Variants in ALX3 observed in about 807,000 individuals in gnomAD.
The protein encoded by ALX3 is ALX homeobox 3.
ALX3 carries 17 observed loss-of-function variants against 26.3 expected under a neutral mutation model. That is an observed-to-expected ratio of 0.65 (90% CI 0.44 to 0.97). The LOEUF (loss-of-function observed/expected upper bound fraction) is 0.97, where lower values mean the gene tolerates loss of function less well. Among genes scored for constraint, ALX3 ranks in the 50% least tolerant of loss-of-function variants. The pLI, the probability that ALX3 is intolerant of heterozygous loss-of-function variation, is 0.00. For missense variants in ALX3, 461 were observed against 466.5 expected (o/e 0.99, Z 0.11); for synonymous variants, 208 against 201.4 (o/e 1.03, Z -0.28).
At chr1:110,064,176 C>T (rs1347332387) in intron 2 of ALX3, among the ~76,000 whole-genome samples, 1 of 152,220 alleles carries the variant, frequency 6.6e-6, no homozygotes, top group South Asian at 2.1e-4. Context: ...GTGTGTTCAG[C>T]ACTTCACCGC....
chr1:110,061,297 G>A (rs534789230), intron 3 of ALX3, 138 bp downstream of exon 3: 16 of 1,355,148 alleles, frequency 1.2e-5, no homozygotes, highest in African/African-American at 7.3e-5. Context: ...CAAGAGCCCC[G>A]GTTTGCAGAG....
At chr1:110,061,385 C>A in intron 3 of ALX3, 50 bp downstream of exon 3, 1 of 1,614,100 alleles carries the variant, frequency 6.2e-7, no homozygotes. Context: ...ACCTCATATT[C>A]TTTTTGGTGA....
intron 2 of ALX3, among the ~76,000 whole-genome samples, chr1:110,062,786 C>T (rs1653686779): frequency 6.6e-6 from 1 of 152,150 alleles, no homozygotes; most frequent in African/African-American, 2.4e-5. Flanking sequence ...GATAAGAAAG[C>T]AGGCCTGCAG....
At chr1:110,064,248 T>A (rs545929263) in intron 2 of ALX3, among the ~76,000 whole-genome samples, 3 of 152,128 alleles carry the variant, frequency 2.0e-5, no homozygotes, top group Non-Finnish European at 4.4e-5. Flanking sequence ...GTCCCATCAT[T>A]CCCTTTTCCT....
Position 110,064,911 on chromosome 1 carries a change from G to A in ALX3, c.278-8C>T. On this transcript the variant is annotated splice_polypyrimidine_tract_variant and splice_region_variant and intron_variant, in intron 1 of 3. Coordinates refer to ENST00000647563, the MANE Select transcript of ALX3 (RefSeq NM_006492.3). ...TGGAGGTCTTCTCCTCAGCTGCAAT[G>A]GAGAACACAAAAGGGAGGATGGCAA... 6.3e-7 allele frequency: 1 copy of A among 1,598,504 alleles called. No homozygotes were observed. The highest frequency in any genetic ancestry group is 8.5e-7 in the Non-Finnish European group (1 of 1,172,958).
Position 110,070,560 on chromosome 1 carries a change from T to C in ALX3, c.53A>G (p.Tyr18Cys), listed in dbSNP as rs1361700069. ...CGGAGGCTCGTCCCCCGAGGCCACA[T>C]AGGGGCCGGGTGCAGGCCCCACGCG... ...PFRVGPAPGPYVASGDEPPGP... is the reference protein window; with the variant it reads ...PFRVGPAPGPCVASGDEPPGP... The change falls in exon 1 of 4, where the codon TAT becomes TGT. Residue 18 changes from tyrosine (Y) to cysteine (C), a missense_variant. Tyr to Cys is a radical substitution (Grantham distance 194). Around this residue, in one of 3 missense-constraint regions of ALX3, gnomAD observed 241 missense variants for 206.1 expected, o/e 1.17. Transcript: ENST00000647563. 22 of 1,310,072 alleles carry C rather than the reference T, an allele frequency of 1.7e-5. No individual in the cohort carries two copies. Among genetic ancestry groups the C allele is most frequent in the Admixed American group, 1.4e-4 (4 of 28,862 alleles). 81.2% of individuals were successfully genotyped at this position (1,310,072 alleles called of 1,614,324 possible).
At chr1:110,061,718 AGGGAAGCCTGGG>A in intron 2 of ALX3, 155 bp from the exon 3 acceptor site, 1 of 1,233,998 alleles carries the variant, frequency 8.1e-7, no homozygotes, top group Non-Finnish European at 1.1e-6. Flanking sequence ...TCTCCAGGCC[AGGGAAGCCTGGG>A]AGGAAGCCTG....
chr1:110,070,361 G>A lies in ALX3; in HGVS notation c.252C>T (p.Gly84=). ...CTTCCGCGGGGCCCTCGTAGAAGTGGCCGCCGTTGAGGGCCGGGCCGGGCC... is the reference window on the plus strand; with the variant it reads ...CTTCCGCGGGGCCCTCGTAGAAGTGACCGCCGTTGAGGGCCGGGCCGGGCC... ...DLGPGPALNG[G]HFYEGPAEAE... Residue 84 remains glycine (G), a synonymous_variant, in exon 1 of 4, where the codon GGC becomes GGT. Transcript: ENST00000647563. 7.8e-7 allele frequency: 1 copy of A among 1,289,962 alleles called. No homozygotes were observed. 79.9% of individuals were successfully genotyped at this position (1,289,962 alleles called of 1,614,324 possible). A position where few individuals can be genotyped will look rare whatever the true frequency, so the allele number is the denominator to read the frequency against.
intron 2 of ALX3, among the ~76,000 whole-genome samples, chr1:110,064,261 A>G (rs2101796757): frequency 6.6e-6 from 1 of 152,272 alleles, no homozygotes; most frequent in Admixed American, 6.5e-5. Flanking sequence ...CTTTTCCTGA[A>G]CTGGGAAACT....
At position 110,061,593 on chromosome 1, in the gene ALX3, G is replaced by T. The variant is rs753136806; in HGVS notation, c.595-30C>A. 1.5e-5 allele frequency: 24 copies of T among 1,613,552 alleles called. No individual in the cohort carries two copies. The African/African-American group carries it at 2.5e-4, about 17-fold the overall frequency. Reference sequence around the variant, plus strand: ...GGGCAGGTTGTGGGGGTTTGAGGGGGTGATAGGGCAGCCCTGAGGAAAGGA... The same window carrying T: ...GGGCAGGTTGTGGGGGTTTGAGGGGTTGATAGGGCAGCCCTGAGGAAAGGA... On this transcript the variant is annotated intron_variant, in intron 2 of 3. Transcript: ENST00000647563.
chr1:110,061,330 A>C, intron 3 of ALX3, 105 bp downstream of exon 3: 7 of 1,543,064 alleles, frequency 4.5e-6, no homozygotes, highest in Non-Finnish European at 6.2e-6. Flanking sequence ...TGGTGTACCC[A>C]CTGTCATACA....
rs187522980 is a variant in ALX3, at chr1:110,063,268, C to G, written c.594+1319G>C. On this transcript the variant is annotated intron_variant, in intron 2 of 3. Coordinates refer to ENST00000647563, the MANE Select transcript of ALX3 (RefSeq NM_006492.3). ...GGCCTGCTGAGGTGACTCCATGGTC[C>G]TGATTCCCATGGCTTATATCATCTG... 1.5e-3 allele frequency among the ~76,000 whole-genome samples: 234 copies of G among 152,344 alleles called. 1 individual carries two copies. Among genetic ancestry groups the G allele is most frequent in the Non-Finnish European group, 2.4e-3 (165 of 68,042 alleles).
chr1:110,064,075 T>A (rs1367158152), intron 2 of ALX3, among the ~76,000 whole-genome samples: 2 of 152,030 alleles, frequency 1.3e-5, no homozygotes, highest in African/African-American at 2.4e-5. Flanking sequence ...CCAAGGTCGG[T>A]GGCTCCTGAT....
chr1:110,064,902 A>T lies in ALX3; in HGVS notation c.279T>A (p.Ala93=). The change falls in exon 2 of 4, where the codon GCT becomes GCA. Residue 93 remains alanine, a splice_region_variant and synonymous_variant. Transcript: ENST00000647563. ...TGGCAGCTTTGGAGGTCTTCTCCTC[A>T]GCTGCAATGGAGAACACAAAAGGGA... ...GGHFYEGPAE[A]EEKTSKAASF... The T allele has an allele frequency of 6.2e-7, 1 of 1,604,936 alleles. No homozygotes were observed. Among genetic ancestry groups the T allele is most frequent in the Non-Finnish European group, 8.5e-7 (1 of 1,175,844 alleles).
chr1:110,070,372 G>T lies in ALX3; in HGVS notation c.241C>A (p.Leu81Ile), dbSNP rs1034525185. ...CCCTCGTAGAAGTGGCCGCCGTTGA[G>T]GGCCGGGCCGGGCCCGAGGTCCTGC... ...YLQDLGPGPA[L>I]NGGHFYEGPA... The change falls in exon 1 of 4, where the codon CTC (leucine) becomes ATC (isoleucine). Residue 81 changes from leucine (L) to isoleucine (I), a missense_variant. Leu to Ile is a conservative substitution (Grantham distance 5, BLOSUM62 2). Around this residue, in one of 3 missense-constraint regions of ALX3, gnomAD observed 241 missense variants for 206.1 expected, o/e 1.17. Coordinates refer to ENST00000647563, the MANE Select transcript of ALX3 (RefSeq NM_006492.3). 10 of 1,287,676 alleles carry T rather than the reference G, an allele frequency of 7.8e-6. No homozygotes were observed. The highest frequency in any genetic ancestry group is 3.1e-5 in the Admixed American group (1 of 31,804). 79.8% of individuals were successfully genotyped at this position (1,287,676 alleles called of 1,614,324 possible).
Position 110,070,582 on chromosome 1 carries a change from C to G in ALX3, c.31G>C (p.Val11Leu). ...ACATAGGGGCCGGGTGCAGGCCCCACGCGGAAAGGCGCGCAGTGCTCGGGG... is the reference window on the plus strand; with the variant it reads ...ACATAGGGGCCGGGTGCAGGCCCCAGGCGGAAAGGCGCGCAGTGCTCGGGG... MDPEHCAPFR[V>L]GPAPGPYVAS... The change falls in exon 1 of 4, where the codon GTG becomes CTG. Residue 11 changes from valine to leucine, a missense_variant. Around this residue, in one of 3 missense-constraint regions of ALX3, gnomAD observed 241 missense variants for 206.1 expected, o/e 1.17. Coordinates refer to ENST00000647563, the MANE Select transcript of ALX3 (RefSeq NM_006492.3). The G allele has an allele frequency of 7.7e-7, 1 of 1,296,394 alleles. No individual in the cohort carries two copies. Among genetic ancestry groups the G allele is most frequent in the African/African-American group, 1.5e-5 (1 of 64,534 alleles). The allele number at this position is 1,296,394 out of a possible 1,614,324, so 80.3% of individuals were successfully genotyped here.
Position 110,060,915 on chromosome 1 carries a change from A to C in ALX3, c.850T>G (p.Phe284Val), listed in dbSNP as rs1449456071. The C allele has an allele frequency of 1.2e-6, 2 of 1,613,304 alleles. No homozygotes were observed. Among genetic ancestry groups the C allele is most frequent in the Admixed American group, 3.3e-5 (2 of 59,972 alleles). Residue 284 changes from phenylalanine to valine, a missense_variant, in exon 4 of 4, where the codon TTC (phenylalanine) becomes GTC (valine). Phe to Val is a conservative substitution (Grantham distance 50). Coordinates refer to ENST00000647563, the MANE Select transcript of ALX3 (RefSeq NM_006492.3). ...YSHPHGSVAG[F>V]MGVPAPSAAH... Reference sequence around the variant, plus strand: ...GCAGAAGGGGCTGGCACCCCCATGAAGCCAGCCACACTCCCATGGGGGTGG... The same window carrying C: ...GCAGAAGGGGCTGGCACCCCCATGACGCCAGCCACACTCCCATGGGGGTGG...
At chr1:110,065,704 CAG>C (rs1375518277) in intron 1 of ALX3, among the ~76,000 whole-genome samples, 2 of 152,194 alleles carry the variant, frequency 1.3e-5, no homozygotes, top group Admixed American at 6.5e-5. Context: ...CCTCCTTCCT[CAG>C]GAGTTTCTAA....
Position 110,060,563 on chromosome 1 carries a change from C to G in ALX3, c.*170G>C. 1.7e-6 allele frequency: 1 copy of G among 581,278 alleles called. No homozygotes were observed. Among genetic ancestry groups the G allele is most frequent in the Non-Finnish European group, 2.9e-6 (1 of 350,496 alleles). 36.0% of individuals were successfully genotyped at this position (581,278 alleles called of 1,614,324 possible). The stretch of plus-strand genomic sequence containing the variant: ...AAGCCCCTTCTCCTAGGCAGCCCCA[C>G]CTTGTTCTAAGAGAAAAGACCCTGT... On this transcript the variant is annotated 3_prime_UTR_variant, in exon 4 of 4. Transcript: ENST00000647563.
Sources: allele counts gnomAD v4.1 joint callset (sites outside exome capture counted in the v4.1 genomes callset), GRCh38; gene constraint gnomAD v4.1.1; regional missense constraint gnomAD v4.1.1; transcripts MANE v1.5; gene names NCBI Gene and HGNC (gene_info 2026-07-23, HGNC 2026-07-21).